The following GRID1 variants were observed in gnomAD, a reference collection of about 807,000 sequenced individuals.
GRID1 encodes glutamate receptor ionotropic, delta-1.
In GRID1, 28 loss-of-function variants were observed where a neutral mutation model predicts 98.0. The observed-to-expected ratio is 0.29, with a 90% CI of 0.21 to 0.39. The LOEUF (loss-of-function observed/expected upper bound fraction) is 0.39, where lower values mean the gene tolerates loss of function less well. Among genes scored for constraint, GRID1 ranks in the 10% least tolerant of loss-of-function variants. The probability of loss-of-function intolerance (pLI) is 1.00; values close to 1 mark genes in which losing one functional copy is unlikely to be tolerated. For missense variants in GRID1, 1,111 were observed against 1,340.5 expected, an observed-to-expected ratio of 0.83 and a Z score of 2.67; for synonymous variants, 553 against 538.5, an observed-to-expected ratio of 1.03 and a Z score of -0.37.
At chr10:85,798,679 A>C (rs1182016321) in intron 8 of GRID1, among the ~76,000 whole-genome samples, 1 of 151,822 alleles carries the variant, frequency 6.6e-6, no homozygotes, top group Non-Finnish European at 1.5e-5. Flanking sequence ...TCATATTAAG[A>C]TCTCTTGTTC....
intron 4 of GRID1, among the ~76,000 whole-genome samples, chr10:85,945,219 A>G (rs2131840533): frequency 6.6e-6 from 1 of 152,372 alleles, no homozygotes; most frequent in Admixed American, 6.5e-5. Context: ...GAAAAGATCC[A>G]AAAGAAGAAA....
chr10:86,072,884 C>A (rs920627934), intron 4 of GRID1, among the ~76,000 whole-genome samples: 1 of 152,260 alleles, frequency 6.6e-6, no homozygotes, highest in Non-Finnish European at 1.5e-5. Flanking sequence ...GCCTACACAG[C>A]ACGGAGGTGA....
At chr10:86,222,949 C>T (rs553490527) in intron 2 of GRID1, among the ~76,000 whole-genome samples, 6 of 152,274 alleles carry the variant, frequency 3.9e-5, no homozygotes, top group African/African-American at 1.4e-4. Context: ...TGCATCCCCC[C>T]CTCCACAGCA....
intron 3 of GRID1, among the ~76,000 whole-genome samples, chr10:86,203,380 G>A (rs958324035): frequency 9.9e-5 from 15 of 151,826 alleles, no homozygotes; most frequent in African/African-American, 3.4e-4. Flanking sequence ...CATGCCGAGG[G>A]AGCAGCCACA....
chr10:86,340,891 T>C lies in GRID1; in HGVS notation c.235+23050A>G, dbSNP rs547346547. Among the ~76,000 whole-genome samples, 3 of 152,156 alleles carry C rather than the reference T, an allele frequency of 2.0e-5. No homozygotes were observed. The South Asian group carries it at 6.2e-4, about 32-fold the overall frequency. ...GGAAGAGAAAGGCCTTCACTCTGCC[T>C]CTCAGGAGCCTACTCCTGCTCAGGC... On this transcript the variant is annotated intron_variant, in intron 2 of 15. Transcript: ENST00000327946.
At chr10:85,998,401 A>G (rs1842765333) in intron 4 of GRID1, among the ~76,000 whole-genome samples, 1 of 152,230 alleles carries the variant, frequency 6.6e-6, no homozygotes, top group Non-Finnish European at 1.5e-5. Flanking sequence ...GGTGAAAAAA[A>G]GTCTAAAGAA....
chr10:85,898,849 T>TA (rs200397901), intron 5 of GRID1, among the ~76,000 whole-genome samples: 2,032 of 152,196 alleles, frequency 0.013, 37 homozygotes, highest in African/African-American at 0.046. Context: ...AAAATAACAA[T>TA]AAAAAAATAC....
chr10:86,299,750 G>A (rs1009797724), intron 2 of GRID1, among the ~76,000 whole-genome samples: 6 of 152,196 alleles, frequency 3.9e-5, no homozygotes, highest in African/African-American at 1.4e-4. Context: ...GCAGAGTCAA[G>A]GGCCCATGAA....
At chr10:85,752,123 T>C (rs1235908650) in intron 8 of GRID1, among the ~76,000 whole-genome samples, 1 of 152,226 alleles carries the variant, frequency 6.6e-6, no homozygotes, top group African/African-American at 2.4e-5. Flanking sequence ...TTTATGAGCC[T>C]TGTAATTGGT....
chr10:86,152,856 G>C (rs1845189234), intron 3 of GRID1, among the ~76,000 whole-genome samples: 1 of 152,214 alleles, frequency 6.6e-6, no homozygotes, highest in South Asian at 2.1e-4. Context: ...GCCCTGACAG[G>C]GAGGCTTCTG....
At chr10:85,879,860 T>C (rs190942994) in intron 5 of GRID1, among the ~76,000 whole-genome samples, 1,566 of 151,928 alleles carry the variant, frequency 0.01, 23 homozygotes, top group African/African-American at 0.035. Flanking sequence ...ATCAACAAAA[T>C]TGATAGACCG....
At chr10:86,162,981 T>G (rs1481393554) in intron 3 of GRID1, among the ~76,000 whole-genome samples, 1 of 152,098 alleles carries the variant, frequency 6.6e-6, no homozygotes, top group Non-Finnish European at 1.5e-5. Flanking sequence ...AGGGGGTTGT[T>G]GAGTTGGAGA....
intron 8 of GRID1, among the ~76,000 whole-genome samples, chr10:85,738,358 T>C (rs1038474683): frequency 2.0e-5 from 3 of 152,298 alleles, no homozygotes; most frequent in Non-Finnish European, 4.4e-5. Context: ...CTCACTAGAA[T>C]GGCTAAAATC....
chr10:86,167,282 G>T (rs905481364), intron 3 of GRID1, among the ~76,000 whole-genome samples: 1 of 152,248 alleles, frequency 6.6e-6, no homozygotes, highest in South Asian at 2.1e-4. Flanking sequence ...TCCTGAGGAT[G>T]AGCATCAGGG....
intron 5 of GRID1, among the ~76,000 whole-genome samples, chr10:85,888,461 T>C (rs1841148718): frequency 6.6e-6 from 1 of 152,232 alleles, no homozygotes; most frequent in Non-Finnish European, 1.5e-5. Context: ...CTAAGAACTT[T>C]ACATTTTGAG....
chr10:86,099,498 G>T (rs1024053643), intron 4 of GRID1, among the ~76,000 whole-genome samples: 5 of 151,854 alleles, frequency 3.3e-5, no homozygotes, highest in African/African-American at 1.2e-4. Flanking sequence ...CAGGCCCCTT[G>T]TCCCTTCACC....
chr10:86,210,568 A>G (rs1316890090), intron 2 of GRID1, among the ~76,000 whole-genome samples: 2 of 152,164 alleles, frequency 1.3e-5, no homozygotes, highest in African/African-American at 4.8e-5. Context: ...GATCTTAAGT[A>G]CTAGTAGTCA....
At chr10:86,011,564 G>C (rs750918825) in intron 4 of GRID1, among the ~76,000 whole-genome samples, 2 of 152,148 alleles carry the variant, frequency 1.3e-5, no homozygotes, top group East Asian at 1.9e-4. Context: ...AAAAGTCTCA[G>C]ATCTCTAAAT....
chr10:86,146,297 T>C (rs1279900355), intron 3 of GRID1, among the ~76,000 whole-genome samples: 1 of 152,224 alleles, frequency 6.6e-6, no homozygotes, highest in Admixed American at 6.5e-5. Context: ...TTTTTATTTT[T>C]ACTTCTTTCT....
Sources: gnomAD v4.1 joint callset for allele counts (sites outside exome capture counted in the v4.1 genomes callset) on GRCh38, gnomAD v4.1.1 for gene constraint, MANE v1.5 for transcripts, NCBI Gene and HGNC (gene_info 2026-07-23, HGNC 2026-07-21) for gene names.